Variants in RNF169 observed in about 807,000 individuals in gnomAD.
RNF169 encodes the protein ring finger protein 169.
A neutral mutation model predicts 53.9 loss-of-function variants in RNF169; 24 were observed. The observed-to-expected ratio is 0.45, with a 90% confidence interval of 0.32 to 0.63. The LOEUF is 0.63. RNF169 is among the 20% of genes least tolerant of loss of function. The probability of loss-of-function intolerance (pLI) is 0.04; values close to 1 mark genes in which losing one functional copy is unlikely to be tolerated. For missense variants in RNF169, 883 were observed against 906.2 expected, an observed-to-expected ratio of 0.97 and a Z score of 0.33; for synonymous variants, 396 against 363.5, an observed-to-expected ratio of 1.09 and a Z score of -1.02.
chr11:74,803,307 G>A (rs942701503), intron 2 of RNF169, among the ~76,000 whole-genome samples: 1 of 151,980 alleles, frequency 6.6e-6, no homozygotes, highest in Non-Finnish European at 1.5e-5. Context: ...GGATGATCTC[G>A]ATCTCCTGAC....
At chr11:74,810,517 T>G (rs1286926503) in intron 3 of RNF169, among the ~76,000 whole-genome samples, 187 bp downstream of exon 3, 6 of 152,184 alleles carry the variant, frequency 3.9e-5, no homozygotes, top group African/African-American at 1.4e-4. Flanking sequence ...GAATGGGATA[T>G]TAAGACTTGT....
intron 3 of RNF169, among the ~76,000 whole-genome samples, chr11:74,813,007 C>G (rs1395235735): frequency 6.6e-6 from 1 of 152,214 alleles, no homozygotes; most frequent in African/African-American, 2.4e-5. Context: ...ATTTTCATCT[C>G]ATTGAAATGC....
intron 1 of RNF169, among the ~76,000 whole-genome samples, chr11:74,775,605 T>G (rs1310231377): frequency 6.6e-6 from 1 of 152,160 alleles, no homozygotes; most frequent in Non-Finnish European, 1.5e-5. Context: ...TTTGAAGCCT[T>G]TCTGATATTC....
intron 1 of RNF169, among the ~76,000 whole-genome samples, chr11:74,753,030 A>G (rs890395096): frequency 6.6e-6 from 1 of 152,148 alleles, no homozygotes; most frequent in Non-Finnish European, 1.5e-5. Context: ...GTGCAATGGC[A>G]TGATCTCGGT....
rs2036256208 is a variant in RNF169, at chr11:74,836,281, G to A, written c.1678G>A (p.Asp560Asn). 6.2e-7 allele frequency: 1 copy of A among 1,614,048 alleles called. No homozygotes were observed. Among genetic ancestry groups the A allele is most frequent in the Admixed American group, 1.7e-5 (1 of 60,006 alleles). Residue 560 changes from aspartate to asparagine, a missense_variant, in exon 6 of 6, where the codon GAC (aspartate) becomes AAC (asparagine). Transcript: ENST00000299563. ...AGGGTCAACTCCAGATGCCAAGTTA[G>A]ACAAAACCTGTATAAGCAGAGCCAT... ...GLGSTPDAKL[D>N]KTCISRAMKI... is the part of the protein sequence containing the mutation.
intron 1 of RNF169, among the ~76,000 whole-genome samples, chr11:74,765,446 C>G (rs146163680): frequency 3.7e-4 from 56 of 152,146 alleles, no homozygotes; most frequent in African/African-American, 1.3e-3. Context: ...AAAATATAAC[C>G]AATTCCCCCT....
At chr11:74,765,801 C>A in intron 1 of RNF169, among the ~76,000 whole-genome samples, 1 of 143,366 alleles carries the variant, frequency 7.0e-6, no homozygotes, top group African/African-American at 2.6e-5. Context: ...GCCTGGGCAA[C>A]ATCTCAAAAA....
At chr11:74,834,572 T>G (rs2036223836) in intron 4 of RNF169, 104 bp from the exon 5 acceptor site, 6 of 632,142 alleles carry the variant, frequency 9.5e-6, no homozygotes, top group Non-Finnish European at 1.6e-5. Flanking sequence ...AAGGGAATTC[T>G]TTCCTGGTGA....
At position 74,836,210 on chromosome 11, in the gene RNF169, G is replaced by A. The variant is rs371107678; in HGVS notation, c.1607G>A (p.Gly536Glu). ...LETCCSSELKGGGSGTSLERE... is the reference protein window; with the variant it reads ...LETCCSSELKEGGSGTSLERE... ...ACCTGCTGTTCCTCAGAACTCAAAGGGGGAGGCAGTGGGACTTCTTTGGAG... is the reference window on the plus strand; with the variant it reads ...ACCTGCTGTTCCTCAGAACTCAAAGAGGGAGGCAGTGGGACTTCTTTGGAG... The change falls in exon 6 of 6, where the codon GGG becomes GAG. Residue 536 changes from glycine (G) to glutamate (E), a missense_variant. Coordinates refer to ENST00000299563, the MANE Select transcript of RNF169 (RefSeq NM_001098638.2). The A allele has an allele frequency of 2.5e-6, 4 of 1,614,150 alleles. No individual in the cohort carries two copies. The highest frequency in any genetic ancestry group is 3.4e-6 in the Non-Finnish European group (4 of 1,180,022).
At chr11:74,788,302 A>AACACACACAC (rs140848727) in intron 1 of RNF169, among the ~76,000 whole-genome samples, 8 of 150,118 alleles carry the variant, frequency 5.3e-5, no homozygotes, top group African/African-American at 2.0e-4. Flanking sequence ...CATAAACATA[A>AACACACACAC]ACACACACAC....
Position 74,749,313 on chromosome 11 carries a change from CG to C in RNF169, c.436del (p.Asp146ThrfsTer32). Reference protein sequence around the residue: ...RSQPERCRPRRDGGAAAAGPR... With the variant: ...RSQPERCRPRXDGGAAAAGPR... Reference sequence around the variant, plus strand: ...CCAACCCGAGCGCTGCCGCCCGCGCCGGGACGGGGGCGCGGCTGCCGCGGGG... The same window carrying C: ...CCAACCCGAGCGCTGCCGCCCGCGCCGGACGGGGGCGCGGCTGCCGCGGGG... On this transcript the variant is annotated frameshift_variant, in exon 1 of 6. Transcript: ENST00000299563. LOFTEE classifies it high-confidence loss of function. 8.4e-7 allele frequency: 1 copy of C among 1,188,416 alleles called. No homozygotes were observed. Among genetic ancestry groups the C allele is most frequent in the Non-Finnish European group, 1.0e-6 (1 of 961,202 alleles). 73.6% of individuals were successfully genotyped at this position (1,188,416 alleles called of 1,614,324 possible).
Position 74,836,001 on chromosome 11 carries a change from T to C in RNF169, c.1398T>C (p.Ser466=). ...APEMGEELLG[S]EGIHSSKEKP... Reference sequence around the variant, plus strand: ...AAATGGGGGAAGAGTTACTAGGCTCTGAAGGTATCCATTCTAGCAAGGAGA... The same window carrying C: ...AAATGGGGGAAGAGTTACTAGGCTCCGAAGGTATCCATTCTAGCAAGGAGA... Residue 466 remains serine, a synonymous_variant, in exon 6 of 6, where the codon TCT becomes TCC. Coordinates refer to ENST00000299563, the MANE Select transcript of RNF169 (RefSeq NM_001098638.2). 1.2e-6 allele frequency: 2 copies of C among 1,614,210 alleles called. No individual in the cohort carries two copies. The highest frequency in any genetic ancestry group is 1.7e-6 in the Non-Finnish European group (2 of 1,180,038).
Position 74,840,199 on chromosome 11 carries a change from C to T in RNF169, c.*3469C>T, listed in dbSNP as rs544526512. The stretch of plus-strand genomic sequence containing the variant: ...TTACTGAGCTTCAGACTTGAGCCAA[C>T]CCTGAGCTGGACTGTGGAGATAAAG... On this transcript the variant is annotated 3_prime_UTR_variant, in exon 6 of 6. Transcript: ENST00000299563. 6.6e-6 allele frequency: 1 copy of T among 152,294 alleles called. No individual in the cohort carries two copies. Among genetic ancestry groups the T allele is most frequent in the East Asian group, 1.9e-4 (1 of 5,182 alleles). The allele number at this position is 152,294 out of a possible 1,614,324, so 9.4% of individuals were successfully genotyped here. A position where few individuals can be genotyped will look rare whatever the true frequency, so the allele number is the denominator to read the frequency against.
At chr11:74,779,931 T>A (rs1321610430) in intron 1 of RNF169, among the ~76,000 whole-genome samples, 3 of 152,170 alleles carry the variant, frequency 2.0e-5, no homozygotes, top group Admixed American at 6.5e-5. Flanking sequence ...CACTCTAGCC[T>A]TCTGAGTAGC....
Position 74,841,516 on chromosome 11 carries a change from T to A in RNF169, c.*4786T>A, listed in dbSNP as rs1458242521. On this transcript the variant is annotated 3_prime_UTR_variant, in exon 6 of 6. Coordinates refer to ENST00000299563, the MANE Select transcript of RNF169 (RefSeq NM_001098638.2). The stretch of plus-strand genomic sequence containing the variant: ...GATGTGCAGATTGTTCTATGTATTA[T>A]CAGTATTTTTTTCCTCTTAAGAAAA... 6.6e-6 allele frequency: 1 copy of A among 152,194 alleles called. No individual in the cohort carries two copies. Among genetic ancestry groups the A allele is most frequent in the Admixed American group, 6.5e-5 (1 of 15,270 alleles). The allele number at this position is 152,194 out of a possible 1,614,324, so 9.4% of individuals were successfully genotyped here.
At chr11:74,779,720 C>T (rs1348084150) in intron 1 of RNF169, among the ~76,000 whole-genome samples, 1 of 152,046 alleles carries the variant, frequency 6.6e-6, no homozygotes, top group Non-Finnish European at 1.5e-5. Flanking sequence ...ATTTGTGGTT[C>T]ACTCCTGTAT....
At chr11:74,806,687 A>G (rs535224027) in intron 2 of RNF169, among the ~76,000 whole-genome samples, 8 of 152,378 alleles carry the variant, frequency 5.3e-5, no homozygotes, top group Admixed American at 2.6e-4. Context: ...GAAGGCAGAA[A>G]GATTCAGTAA....
In RNF169 at chr11:74,836,826, C is replaced by T; in HGVS notation, c.*96C>T. 1.1e-6 allele frequency: 1 copy of T among 910,024 alleles called. No individual in the cohort carries two copies. Among genetic ancestry groups the T allele is most frequent in the Non-Finnish European group, 1.6e-6 (1 of 611,178 alleles). 56.4% of individuals were successfully genotyped at this position (910,024 alleles called of 1,614,324 possible). On this transcript the variant is annotated 3_prime_UTR_variant, in exon 6 of 6. Transcript: ENST00000299563. ...TCTCACTTTGGTTTTATTTTAATGG[C>T]AAAACACTGTCTAATATGGTTCTGA...
chr11:74,756,062 G>T (rs1007166239), intron 1 of RNF169, among the ~76,000 whole-genome samples: 1 of 152,110 alleles, frequency 6.6e-6, no homozygotes, highest in African/African-American at 2.4e-5. Context: ...TCAGGCAAGC[G>T]ACGAAGAGGG....
Sources: allele counts gnomAD v4.1 joint callset (sites outside exome capture counted in the v4.1 genomes callset), GRCh38; gene constraint gnomAD v4.1.1; transcripts MANE v1.5; gene names NCBI Gene and HGNC (gene_info 2026-07-23, HGNC 2026-07-21).